The following ARHGAP10 variants were observed in gnomAD, a reference collection of about 807,000 sequenced individuals.
ARHGAP10 encodes rho GTPase-activating protein 10.
A neutral mutation model predicts 108.6 loss-of-function variants in ARHGAP10; 87 were observed. The observed-to-expected ratio is 0.80, with a 90% confidence interval of 0.67 to 0.96. The LOEUF is 0.96. Ranked by LOEUF, ARHGAP10 falls within the 40% of genes least tolerant of loss-of-function variation. ARHGAP10 has a pLI of 0.00. For synonymous variants in ARHGAP10, 347 were observed against 341.1 expected (o/e 1.02, Z -0.19); for missense variants, 939 against 954.5 (o/e 0.98, Z 0.21).
Position 148,028,299 on chromosome 4 carries a change from GGGCGGAACT to G in ARHGAP10, c.1867+4888_1867+4896del, listed in dbSNP as rs561246456. Among the ~76,000 whole-genome samples, 38 of 152,278 alleles carry G rather than the reference GGGCGGAACT, an allele frequency of 2.5e-4. 1 individual carries two copies. The highest frequency in any genetic ancestry group is 8.2e-4 in the African/African-American group (34 of 41,556). ...GACAGTGTTGACAGTTGTGAATGAT[GGGCGGAACT>G]GATGTGAAAGACTTAGACCCAGGAG... On this transcript the variant is annotated intron_variant, in intron 19 of 22. Coordinates refer to ENST00000336498, the MANE Select transcript of ARHGAP10 (RefSeq NM_024605.4).
intron 18 of ARHGAP10, among the ~76,000 whole-genome samples, chr4:148,009,053 A>G (rs1741064889): frequency 6.6e-6 from 1 of 152,162 alleles, no homozygotes; most frequent in Admixed American, 6.5e-5. Flanking sequence ...TGTCAAGATC[A>G]ACAGATAATC....
At chr4:147,761,555 T>C (rs1431967658) in intron 1 of ARHGAP10, among the ~76,000 whole-genome samples, 1 of 152,214 alleles carries the variant, frequency 6.6e-6, no homozygotes, top group East Asian at 1.9e-4. Context: ...TGAATTTATC[T>C]CTTTCTCTTT....
intron 1 of ARHGAP10, among the ~76,000 whole-genome samples, chr4:147,818,244 A>G (rs961519513): frequency 2.6e-5 from 4 of 151,776 alleles, no homozygotes; most frequent in African/African-American, 9.7e-5. Flanking sequence ...TTGTAAGTCA[A>G]TTAGCGTAGA....
chr4:147,794,996 A>C (rs922141762), intron 1 of ARHGAP10, among the ~76,000 whole-genome samples: 46 of 152,234 alleles, frequency 3.0e-4, no homozygotes, highest in African/African-American at 1.1e-3. Context: ...GACTATAGTC[A>C]GTTCCATATA....
Position 148,066,601 on chromosome 4 carries a change from T to G in ARHGAP10, c.2272+2094T>G, listed in dbSNP as rs549673870. Among the ~76,000 whole-genome samples the G allele has an allele frequency of 9.8e-5, 15 of 152,352 alleles. No homozygotes were observed. In the South Asian group the frequency reaches 2.9e-3, roughly 29 times the overall value. ...ACATTTGTACATATGTACACACATG[T>G]GCACACAAATACCAGTGTCTCCGTG... On this transcript the variant is annotated intron_variant, in intron 22 of 22. Transcript: ENST00000336498.
intron 7 of ARHGAP10, among the ~76,000 whole-genome samples, chr4:147,867,983 T>C: frequency 6.6e-6 from 1 of 151,928 alleles, no homozygotes; most frequent in East Asian, 1.9e-4. Flanking sequence ...GATAAAACCT[T>C]ATTTTTATAA....
At chr4:147,867,601 C>G (rs1389584681) in intron 7 of ARHGAP10, among the ~76,000 whole-genome samples, 1 of 152,222 alleles carries the variant, frequency 6.6e-6, no homozygotes, top group African/African-American at 2.4e-5. Flanking sequence ...CACAGTGGTT[C>G]ATGCCTGTAA....
chr4:147,752,541 CT>C (rs111694555), intron 1 of ARHGAP10, among the ~76,000 whole-genome samples: 645 of 143,110 alleles, frequency 4.5e-3, no homozygotes, highest in Middle Eastern at 7.2e-3. Context: ...ACAGTTTGAT[CT>C]TTTTTTTTTT....
At chr4:147,748,553 A>T (rs1221078155) in intron 1 of ARHGAP10, among the ~76,000 whole-genome samples, 1 of 152,240 alleles carries the variant, frequency 6.6e-6, no homozygotes. Flanking sequence ...ACAAAAACAA[A>T]ATGATACAGG....
At chr4:147,976,703 G>C (rs185706382) in intron 18 of ARHGAP10, among the ~76,000 whole-genome samples, 1 of 152,016 alleles carries the variant, frequency 6.6e-6, no homozygotes, top group Non-Finnish European at 1.5e-5. Flanking sequence ...TTTTTCTTTA[G>C]CTGTGGCATT....
chr4:147,778,749 T>C (rs1730410792), intron 1 of ARHGAP10, among the ~76,000 whole-genome samples: 1 of 152,196 alleles, frequency 6.6e-6, no homozygotes, highest in African/African-American at 2.4e-5. Flanking sequence ...AAAATCTGTT[T>C]GTAATCTCCT....
intron 16 of ARHGAP10, among the ~76,000 whole-genome samples, chr4:147,959,588 A>G (rs867529031): frequency 3.9e-5 from 6 of 152,050 alleles, no homozygotes; most frequent in Middle Eastern, 6.8e-3. Flanking sequence ...TCATTGTTCA[A>G]TTCCCACCTA....
At chr4:148,001,195 T>C (rs925616514) in intron 18 of ARHGAP10, among the ~76,000 whole-genome samples, 6 of 152,244 alleles carry the variant, frequency 3.9e-5, no homozygotes, top group Non-Finnish European at 8.8e-5. Flanking sequence ...TTCCTATTTT[T>C]GTCAGGTTTG....
intron 18 of ARHGAP10, among the ~76,000 whole-genome samples, chr4:148,016,995 A>C (rs371323558): frequency 7.2e-5 from 11 of 151,736 alleles, no homozygotes; most frequent in Non-Finnish European, 1.5e-4. Context: ...AAAAAAAAAA[A>C]AAAAAAAAAA....
intron 4 of ARHGAP10, among the ~76,000 whole-genome samples, chr4:147,847,959 G>T (rs1733701622): frequency 6.6e-6 from 1 of 152,138 alleles, no homozygotes; most frequent in African/African-American, 2.4e-5. Context: ...ACTTGAGAAA[G>T]AAAAAGTAAC....
intron 16 of ARHGAP10, among the ~76,000 whole-genome samples, chr4:147,958,819 G>C (rs375393104): frequency 7.9e-5 from 12 of 152,108 alleles, no homozygotes; most frequent in African/African-American, 2.9e-4. Flanking sequence ...CTGTGTCTTC[G>C]ATAAGCTCCA....
intron 10 of ARHGAP10, among the ~76,000 whole-genome samples, chr4:147,896,329 A>G (rs2126892814): frequency 6.6e-6 from 1 of 152,276 alleles, no homozygotes; most frequent in Non-Finnish European, 1.5e-5. Context: ...ATCTTTGCCT[A>G]GAGTTTTCTT....
intron 18 of ARHGAP10, among the ~76,000 whole-genome samples, chr4:148,015,694 G>GT (rs1741320129): frequency 6.6e-6 from 1 of 152,214 alleles, no homozygotes; most frequent in South Asian, 2.1e-4. Context: ...GTAGGTCGAA[G>GT]TTCAGGTTGC....
At chr4:147,827,538 G>C (rs1262280049) in intron 3 of ARHGAP10, among the ~76,000 whole-genome samples, 1 of 152,192 alleles carries the variant, frequency 6.6e-6, no homozygotes, top group Non-Finnish European at 1.5e-5. Context: ...AGACACAGCA[G>C]AGGGCCTTTG....
Sources: allele counts gnomAD v4.1 joint callset (sites outside exome capture counted in the v4.1 genomes callset), GRCh38; gene constraint gnomAD v4.1.1; transcripts MANE v1.5; gene names NCBI Gene and HGNC (gene_info 2026-07-23, HGNC 2026-07-21).